NEBL: variants seen among roughly 807,000 people sequenced by gnomAD.
NEBL encodes nebulette, also known as LIM and SH3 protein 2.
In NEBL, 122 loss-of-function variants were observed where a neutral mutation model predicts 140.2. That is an observed-to-expected ratio of 0.87 (90% CI 0.75 to 1.01). The LOEUF (loss-of-function observed/expected upper bound fraction) is 1.01. Among genes scored for constraint, NEBL ranks in the 50% least tolerant of loss-of-function variants. The pLI is 0.00. For synonymous variants in NEBL, 436 were observed against 398.9 expected, an observed-to-expected ratio of 1.09 and a Z score of -1.11; for missense variants, 1,365 against 1,231.3, an observed-to-expected ratio of 1.11 and a Z score of -1.62.
chr10:21,064,123 A>AT (rs1405491110), intron 2 of NEBL, among the ~76,000 whole-genome samples: 1 of 152,058 alleles, frequency 6.6e-6, no homozygotes, highest in South Asian at 2.1e-4. Flanking sequence ...TTTTTGTTTG[A>AT]TTTTGTTTTG....
intron 4 of NEBL, among the ~76,000 whole-genome samples, chr10:20,946,824 T>C (rs1835187693): frequency 6.6e-6 from 1 of 152,236 alleles, no homozygotes. Flanking sequence ...GGATTCTAGA[T>C]GTGGAAATCC....
At chr10:20,866,841 A>G (rs1031974768) in intron 7 of NEBL, among the ~76,000 whole-genome samples, 3 of 152,090 alleles carry the variant, frequency 2.0e-5, no homozygotes, top group African/African-American at 7.2e-5. Flanking sequence ...TTGATTGGCC[A>G]TTTATGTTTG....
At chr10:21,133,800 C>T (rs920757862) in intron 2 of NEBL, among the ~76,000 whole-genome samples, 1 of 152,060 alleles carries the variant, frequency 6.6e-6, no homozygotes, top group African/African-American at 2.4e-5. Context: ...CTGATTCTAC[C>T]AGGTGGCTGC....
chr10:21,061,266 CATATTACATATT>C lies in NEBL; in HGVS notation c.165-41077_165-41066del, dbSNP rs1441682730. ...ATATTACATATTATGTGATATGTAACATATTACATATTATGTGATATGTAACATATTACATAT... is the reference window on the plus strand; with the variant it reads ...ATATTACATATTATGTGATATGTAACATGTGATATGTAACATATTACATAT... On this transcript the variant is annotated intron_variant, in intron 2 of 6. Coordinates refer to the NEBL transcript ENST00000417816. Among the ~76,000 whole-genome samples, 212 of 140,688 alleles carry C rather than the reference CATATTACATATT, an allele frequency of 1.5e-3. 8 individuals carry two copies. Among genetic ancestry groups the C allele is most frequent in the Middle Eastern group, 0.012 (3 of 256 alleles). The allele number at this position is 140,688 out of a possible 152,430, so 92.3% of individuals were successfully genotyped here. A position where few individuals can be genotyped will look rare whatever the true frequency, so the allele number is the denominator to read the frequency against.
At chr10:20,879,911 CA>C (rs1413347905) in intron 5 of NEBL, among the ~76,000 whole-genome samples, 1 of 152,164 alleles carries the variant, frequency 6.6e-6, no homozygotes, top group African/African-American at 2.4e-5. Context: ...CAAATGCATG[CA>C]AACCTTGATG....
intron 1 of NEBL, among the ~76,000 whole-genome samples, chr10:21,289,160 A>T (rs559593836): frequency 1.3e-5 from 2 of 151,964 alleles, no homozygotes; most frequent in South Asian, 2.1e-4. Flanking sequence ...TTTATATTTT[A>T]TGATAGGGCA....
At chr10:21,118,079 G>A (rs1321027301) in intron 2 of NEBL, among the ~76,000 whole-genome samples, 1 of 152,002 alleles carries the variant, frequency 6.6e-6, no homozygotes, top group Admixed American at 6.6e-5. Context: ...TGAGAAGGAT[G>A]GCAACCTAGT....
chr10:21,029,869 G>A, intron 2 of NEBL: 1 of 668,974 alleles, frequency 1.5e-6, no homozygotes, highest in Non-Finnish European at 2.8e-6. Flanking sequence ...CAGGGACAAT[G>A]ACTACAGAGG....
In NEBL at chr10:20,784,304, G is replaced by A. The variant is rs1835226429; in HGVS notation, c.*1443C>T. On this transcript the variant is annotated 3_prime_UTR_variant, in exon 28 of 28. Coordinates refer to ENST00000377122, the MANE Select transcript of NEBL (RefSeq NM_006393.3). ...TGCCGACGGGTGCCGCTGGCTTGGTGACCTGGACTGCAGACTCTGGATGAA... is the reference window on the plus strand; with the variant it reads ...TGCCGACGGGTGCCGCTGGCTTGGTAACCTGGACTGCAGACTCTGGATGAA... The A allele has an allele frequency of 6.6e-6, 1 of 152,100 alleles. No individual in the cohort carries two copies. Among genetic ancestry groups the A allele is most frequent in the Non-Finnish European group, 1.5e-5 (1 of 68,030 alleles). 9.4% of individuals were successfully genotyped at this position (152,100 alleles called of 1,614,324 possible).
At chr10:20,788,276 G>A (rs1415066652) in intron 26 of NEBL, among the ~76,000 whole-genome samples, 1 of 152,106 alleles carries the variant, frequency 6.6e-6, no homozygotes, top group Non-Finnish European at 1.5e-5. Flanking sequence ...TGCTACATTA[G>A]TAAAACTTAT....
chr10:20,987,695 A>T (rs981675085), intron 3 of NEBL, among the ~76,000 whole-genome samples: 4 of 152,176 alleles, frequency 2.6e-5, no homozygotes, highest in Admixed American at 2.6e-4. Context: ...CATTTTCTTT[A>T]GAGCATAAGA....
intron 2 of NEBL, chr10:21,110,876 TA>T (rs1266159049): frequency 3.3e-6 from 2 of 611,208 alleles, no homozygotes; most frequent in African/African-American, 3.6e-5. Context: ...CCAATTAAAG[TA>T]ACACTGCCAA....
chr10:21,006,900 G>A (rs1293383617), intron 3 of NEBL, among the ~76,000 whole-genome samples: 1 of 152,136 alleles, frequency 6.6e-6, no homozygotes. Context: ...TCTATAAATA[G>A]TTGACAAAAA....
chr10:21,214,669 A>G (rs1841966578), intron 3 of NEBL, among the ~76,000 whole-genome samples: 2 of 151,840 alleles, frequency 1.3e-5, no homozygotes, highest in African/African-American at 2.4e-5. Context: ...TGTTGGGTAC[A>G]GTGAGGAAAG....
chr10:20,790,478 G>A (rs1031505139), intron 26 of NEBL, among the ~76,000 whole-genome samples: 16 of 151,674 alleles, frequency 1.1e-4, no homozygotes, highest in Admixed American at 6.6e-4. Context: ...GTGTGTGCCT[G>A]TAATCCCAGC....
chr10:20,960,500 G>A (rs1836001597), intron 4 of NEBL, among the ~76,000 whole-genome samples: 1 of 151,818 alleles, frequency 6.6e-6, no homozygotes, highest in Non-Finnish European at 1.5e-5. Context: ...TCCATTTAAA[G>A]AGCAAAAAAC....
chr10:21,169,049 C>CAAAAAAAAAA (rs147147865), intron 2 of NEBL, among the ~76,000 whole-genome samples: 11 of 25,528 alleles, frequency 4.3e-4, no homozygotes, highest in East Asian at 1.7e-3. Context: ...ACTCCGTCTA[C>CAAAAAAAAAA]AAAAAAAAAA....
intron 2 of NEBL, among the ~76,000 whole-genome samples, chr10:20,891,921 T>C (rs920137002): frequency 3.9e-5 from 6 of 152,194 alleles, no homozygotes; most frequent in African/African-American, 1.4e-4. Context: ...AGATACATAT[T>C]AGTAGCCTTC....
intron 1 of NEBL, among the ~76,000 whole-genome samples, chr10:21,288,760 CA>C (rs59316290): frequency 0.057 from 2,656 of 46,856 alleles, 128 homozygotes; most frequent in African/African-American, 0.19. Context: ...ACTCCATCGC[CA>C]AAAAAAAAAA....
Sources: allele counts gnomAD v4.1 joint callset (sites outside exome capture counted in the v4.1 genomes callset), GRCh38; gene constraint gnomAD v4.1.1; transcripts MANE v1.5; gene names NCBI Gene and HGNC (gene_info 2026-07-23, HGNC 2026-07-21).